Variants in PTPRD observed in about 807,000 individuals in gnomAD.
PTPRD encodes the protein receptor-type tyrosine-protein phosphatase delta.
A neutral mutation model predicts 214.5 loss-of-function variants in PTPRD; 34 were observed. That is an observed-to-expected ratio of 0.16 (90% CI 0.12 to 0.21). The LOEUF (loss-of-function observed/expected upper bound fraction) is 0.21. Among genes scored for constraint, PTPRD ranks in the 10% least tolerant of loss-of-function variants. The pLI is 1.00. For synonymous variants in PTPRD, 1,128 were observed against 845.7 expected (o/e 1.33, Z -5.79); for missense variants, 2,545 against 2,398.7 (o/e 1.06, Z -1.27).
At chr9:10,212,734 C>A (rs923223285) in intron 3 of PTPRD, among the ~76,000 whole-genome samples, 1 of 152,124 alleles carries the variant, frequency 6.6e-6, no homozygotes. Flanking sequence ...AATCTTGTTA[C>A]TGTATTGTCA....
chr9:10,497,960 A>G (rs965476295), intron 2 of PTPRD, among the ~76,000 whole-genome samples: 7 of 152,024 alleles, frequency 4.6e-5, no homozygotes, highest in Admixed American at 3.3e-4. Context: ...TAATAGCTGG[A>G]CTTTTTATTA....
intron 8 of PTPRD, among the ~76,000 whole-genome samples, chr9:9,498,280 G>A (rs1479293442): frequency 6.6e-6 from 1 of 152,080 alleles, no homozygotes; most frequent in Non-Finnish European, 1.5e-5. Context: ...ACGCAGTCTT[G>A]TAAGCCAAGT....
chr9:8,950,365 A>C (rs1459895778), intron 11 of PTPRD, among the ~76,000 whole-genome samples: 1 of 152,156 alleles, frequency 6.6e-6, no homozygotes, highest in Non-Finnish European at 1.5e-5. Context: ...CACAATTGAC[A>C]TCCAACATTT....
intron 12 of PTPRD, among the ~76,000 whole-genome samples, chr9:8,692,145 T>A (rs1396467893): frequency 6.6e-6 from 1 of 152,140 alleles, no homozygotes; most frequent in South Asian, 2.1e-4. Context: ...TTCACTTACA[T>A]AGATTAGTAA....
chr9:10,165,285 T>C (rs144450536), intron 3 of PTPRD, among the ~76,000 whole-genome samples: 125 of 151,876 alleles, frequency 8.2e-4, no homozygotes, highest in African/African-American at 2.8e-3. Flanking sequence ...CCAAGAGTAA[T>C]TTTCAAAGCA....
intron 11 of PTPRD, among the ~76,000 whole-genome samples, chr9:8,788,455 A>G (rs2096085771): frequency 6.6e-6 from 1 of 151,654 alleles, no homozygotes; most frequent in Admixed American, 6.6e-5. Context: ...TTGTATTTTT[A>G]GTAGAGACGG....
intron 5 of PTPRD, among the ~76,000 whole-genome samples, chr9:9,925,420 TTACA>T (rs1322196826): frequency 1.3e-5 from 2 of 152,108 alleles, no homozygotes; most frequent in Non-Finnish European, 2.9e-5. Flanking sequence ...ATTTAAGGTC[TTACA>T]TACAGGACCT....
intron 2 of PTPRD, among the ~76,000 whole-genome samples, chr9:10,485,636 T>A (rs1228719381): frequency 1.3e-5 from 2 of 152,088 alleles, no homozygotes; most frequent in Non-Finnish European, 2.9e-5. Context: ...TCAATGAAAT[T>A]TTTAACATTT....
intron 7 of PTPRD, among the ~76,000 whole-genome samples, chr9:9,640,597 G>A (rs2095907776): frequency 6.6e-6 from 1 of 152,166 alleles, no homozygotes; most frequent in Admixed American, 6.5e-5. Context: ...CACATAGAAG[G>A]TAAGCCTGTA....
At chr9:9,986,793 G>A (rs894217841) in intron 4 of PTPRD, among the ~76,000 whole-genome samples, 22 of 152,148 alleles carry the variant, frequency 1.4e-4, no homozygotes, top group Admixed American at 1.4e-3. Context: ...TGGATATAGA[G>A]TTTCAATAAT....
chr9:9,416,537 T>C (rs937957533), intron 8 of PTPRD, among the ~76,000 whole-genome samples: 1 of 152,190 alleles, frequency 6.6e-6, no homozygotes, highest in Non-Finnish European at 1.5e-5. Flanking sequence ...TTCCTTTGTG[T>C]GGCTTTTAAG....
At chr9:8,901,291 G>T (rs536423917) in intron 11 of PTPRD, among the ~76,000 whole-genome samples, 1 of 152,226 alleles carries the variant, frequency 6.6e-6, no homozygotes, top group South Asian at 2.1e-4. Flanking sequence ...ACCTAAACTG[G>T]CTGGGAAAAG....
chr9:8,429,825 G>C (rs887108993), intron 35 of PTPRD, among the ~76,000 whole-genome samples: 1 of 152,116 alleles, frequency 6.6e-6, no homozygotes, highest in African/African-American at 2.4e-5. Context: ...CCTTCTTCAG[G>C]GAACACTTCT....
intron 11 of PTPRD, among the ~76,000 whole-genome samples, chr9:9,005,063 A>G (rs955563703): frequency 1.3e-5 from 2 of 152,064 alleles, no homozygotes; most frequent in Non-Finnish European, 2.9e-5. Flanking sequence ...CCTCTAGTGC[A>G]TATATTTTGA....
At chr9:9,856,641 A>G (rs983837289) in intron 5 of PTPRD, among the ~76,000 whole-genome samples, 5 of 151,808 alleles carry the variant, frequency 3.3e-5, no homozygotes, top group African/African-American at 1.2e-4. Context: ...AATTTACCAA[A>G]AAAAAAAAAT....
At chr9:9,070,567 C>A (rs531101484) in intron 10 of PTPRD, among the ~76,000 whole-genome samples, 50 of 152,176 alleles carry the variant, frequency 3.3e-4, no homozygotes, top group African/African-American at 1.2e-3. Context: ...ACCCATAAGG[C>A]TCTATACAGT....
Position 8,730,250 on chromosome 9 carries a change from T to C in PTPRD, c.64+3530A>G, listed in dbSNP as rs1020744094. Among the ~76,000 whole-genome samples, 5 of 152,040 alleles carry C rather than the reference T, an allele frequency of 3.3e-5. No individual in the cohort carries two copies. The East Asian group carries it at 7.7e-4, about 24-fold the overall frequency. On this transcript the variant is annotated intron_variant, in intron 12 of 45. Coordinates refer to ENST00000381196, the MANE Select transcript of PTPRD (RefSeq NM_002839.4). ...CAGCCTAGGCGACTGAGCGAGACTC[T>C]GTCTCAAAAAAAGAAAAAAAAAGAA...
intron 2 of PTPRD, among the ~76,000 whole-genome samples, chr9:10,449,825 G>T (rs540631656): frequency 6.6e-6 from 1 of 151,994 alleles, no homozygotes; most frequent in Non-Finnish European, 1.5e-5. Context: ...GGAAAAGAAA[G>T]AGAGATCAGA....
At chr9:8,330,252 T>C (rs1838726640) in intron 44 of PTPRD, among the ~76,000 whole-genome samples, 1 of 152,124 alleles carries the variant, frequency 6.6e-6, no homozygotes, top group African/African-American at 2.4e-5. Flanking sequence ...AACGCAGAAA[T>C]CCCCTGCCTT....
Sources: allele counts gnomAD v4.1 joint callset (sites outside exome capture counted in the v4.1 genomes callset), GRCh38; gene constraint gnomAD v4.1.1; transcripts MANE v1.5; gene names NCBI Gene and HGNC (gene_info 2026-07-23, HGNC 2026-07-21).